CLSTN2: variants seen among roughly 807,000 people sequenced by gnomAD.
The protein encoded by CLSTN2 is calsyntenin-2.
A neutral mutation model predicts 101.2 loss-of-function variants in CLSTN2; 48 were observed. The ratio of observed to expected loss-of-function variants is 0.47; its 90% CI spans 0.38 to 0.60. The LOEUF is 0.60. Among genes scored for constraint, CLSTN2 ranks in the 20% least tolerant of loss-of-function variants. The pLI, the probability that CLSTN2 is intolerant of heterozygous loss-of-function variation, is 0.00. For missense variants in CLSTN2, 1,160 were observed against 1,238.2 expected, an observed-to-expected ratio of 0.94 and a Z score of 0.95; for synonymous variants, 481 against 463.6, an observed-to-expected ratio of 1.04 and a Z score of -0.48.
intron 8 of CLSTN2, among the ~76,000 whole-genome samples, chr3:140,510,589 T>C (rs945172718): frequency 2.0e-5 from 3 of 152,208 alleles, no homozygotes; most frequent in African/African-American, 7.2e-5. Flanking sequence ...GGTGGTCTCT[T>C]TGACACAGGC....
chr3:140,149,165 C>G (rs563151878), intron 1 of CLSTN2, among the ~76,000 whole-genome samples: 4 of 152,258 alleles, frequency 2.6e-5, no homozygotes, highest in African/African-American at 9.6e-5. Flanking sequence ...CATCCGTGCC[C>G]TCTTGTGTGT....
chr3:139,993,326 T>C (rs1376697760), intron 1 of CLSTN2, among the ~76,000 whole-genome samples: 2 of 152,198 alleles, frequency 1.3e-5, no homozygotes, highest in Admixed American at 6.5e-5. Flanking sequence ...ATTCATGTGG[T>C]TCTAGATCCA....
At chr3:140,178,758 C>A (rs941632011) in intron 2 of CLSTN2, among the ~76,000 whole-genome samples, 1 of 152,192 alleles carries the variant, frequency 6.6e-6, no homozygotes, top group Non-Finnish European at 1.5e-5. Context: ...AGATCCCTAT[C>A]GTTCTCATAA....
intron 10 of CLSTN2, 84 bp from the exon 11 acceptor site, chr3:140,556,429 G>A: frequency 7.5e-7 from 1 of 1,336,716 alleles, no homozygotes; most frequent in Non-Finnish European, 1.1e-6. Flanking sequence ...GACCCTTGGT[G>A]CCCTGTATGG....
At chr3:140,098,430 C>T (rs2008907548) in intron 1 of CLSTN2, among the ~76,000 whole-genome samples, 1 of 152,210 alleles carries the variant, frequency 6.6e-6, no homozygotes, top group African/African-American at 2.4e-5. Context: ...AATGAGAAAT[C>T]TCAAAGCTGA....
intron 2 of CLSTN2, among the ~76,000 whole-genome samples, chr3:140,322,568 G>T (rs1250827631): frequency 6.6e-6 from 1 of 152,220 alleles, no homozygotes; most frequent in Non-Finnish European, 1.5e-5. Flanking sequence ...TCAATGTACT[G>T]AGTCTTTTAG....
rs1934526313 is a variant in CLSTN2 at position 140,499,371 on chromosome 3, C to G, written c.1344+32640C>G. On this transcript the variant is annotated intron_variant, in intron 8 of 16. Transcript: ENST00000458420. The stretch of plus-strand genomic sequence containing the variant: ...TTCTGGAATTCAGCAGCAAAGCAGA[C>G]TTGAATTACTTACTGTCTTCAAGGA... Among the ~76,000 whole-genome samples the G allele has an allele frequency of 1.3e-5, 2 of 152,202 alleles. 1 individual carries two copies. Among genetic ancestry groups the G allele is most frequent in the South Asian group, 4.1e-4 (2 of 4,832 alleles).
At chr3:140,499,546 C>T (rs777118095) in intron 8 of CLSTN2, among the ~76,000 whole-genome samples, 2 of 152,138 alleles carry the variant, frequency 1.3e-5, no homozygotes, top group Admixed American at 6.5e-5. Context: ...CTGAGCTGCC[C>T]AATGGCCTGG....
intron 2 of CLSTN2, among the ~76,000 whole-genome samples, chr3:140,363,326 C>T (rs1359874136): frequency 2.6e-5 from 4 of 152,126 alleles, no homozygotes; most frequent in Admixed American, 6.6e-5. Context: ...CTGCCTGGAA[C>T]TAGGGGTGAG....
intron 2 of CLSTN2, among the ~76,000 whole-genome samples, chr3:140,260,700 GATT>G (rs1229108189): frequency 1.3e-5 from 2 of 152,032 alleles, no homozygotes; most frequent in Non-Finnish European, 2.9e-5. Context: ...AGTTTATTTA[GATT>G]TTATTAATGT....
At chr3:140,526,068 C>A (rs1310483521) in intron 8 of CLSTN2, among the ~76,000 whole-genome samples, 2 of 152,054 alleles carry the variant, frequency 1.3e-5, no homozygotes, top group African/African-American at 4.8e-5. Flanking sequence ...TAGTGGAAGT[C>A]CTAGTCAGAG....
intron 1 of CLSTN2, among the ~76,000 whole-genome samples, chr3:140,125,475 C>T (rs530543813): frequency 1.3e-5 from 2 of 152,074 alleles, no homozygotes; most frequent in East Asian, 1.9e-4. Context: ...GAGCAGATAC[C>T]AGTGAGTTGG....
chr3:140,425,656 A>G (rs1283039607), intron 5 of CLSTN2, among the ~76,000 whole-genome samples: 1 of 152,212 alleles, frequency 6.6e-6, no homozygotes, highest in African/African-American at 2.4e-5. Context: ...ACCAATGGGC[A>G]GGGTGGGGCT....
At chr3:139,979,485 G>T (rs76318622) in intron 1 of CLSTN2, among the ~76,000 whole-genome samples, 2 of 152,192 alleles carry the variant, frequency 1.3e-5, no homozygotes, top group East Asian at 3.9e-4. Flanking sequence ...ACCACAGCCC[G>T]CACATCCCTG....
In CLSTN2 at chr3:140,562,208, G is replaced by C; in HGVS notation, c.2112G>C (p.Gly704=). ...LDFCDILVIG[G]DLDPRQECLE... is the part of the protein sequence containing the mutation. ...TCTGTGACATTTTGGTGATCGGAGGGGACTTGGACCCAAGGCAGGAGTGCT... is the reference window on the plus strand; with the variant it reads ...TCTGTGACATTTTGGTGATCGGAGGCGACTTGGACCCAAGGCAGGAGTGCT... The change falls in exon 13 of 17, where the codon GGG becomes GGC. Residue 704 remains glycine (G), a synonymous_variant. Coordinates refer to ENST00000458420, the MANE Select transcript of CLSTN2 (RefSeq NM_022131.3). 6.2e-7 allele frequency: 1 copy of C among 1,613,990 alleles called. No individual in the cohort carries two copies. The highest frequency in any genetic ancestry group is 8.5e-7 in the Non-Finnish European group (1 of 1,179,912).
intron 2 of CLSTN2, among the ~76,000 whole-genome samples, chr3:140,351,786 T>G (rs928424336): frequency 1.6e-5 from 2 of 122,180 alleles, no homozygotes; most frequent in Non-Finnish European, 1.9e-5. Context: ...ATTCAGGTTT[T>G]GTTTTGTTTT....
At chr3:140,053,054 T>A (rs2008027944) in intron 1 of CLSTN2, among the ~76,000 whole-genome samples, 1 of 152,116 alleles carries the variant, frequency 6.6e-6, no homozygotes, top group African/African-American at 2.4e-5. Flanking sequence ...TGGATGGCGC[T>A]GGCAGTCAGG....
chr3:139,970,323 G>A (rs1373229378), intron 1 of CLSTN2, among the ~76,000 whole-genome samples: 3 of 152,134 alleles, frequency 2.0e-5, no homozygotes, highest in Non-Finnish European at 4.4e-5. Flanking sequence ...GCATCTGGGG[G>A]GGGATGCTCT....
chr3:140,277,608 T>C (rs2086806427), intron 2 of CLSTN2, among the ~76,000 whole-genome samples: 1 of 152,214 alleles, frequency 6.6e-6, no homozygotes, highest in Non-Finnish European at 1.5e-5. Context: ...TGCTGCATAA[T>C]TGAATTATAC....
Sources: gnomAD v4.1 joint callset for allele counts (sites outside exome capture counted in the v4.1 genomes callset) on GRCh38, gnomAD v4.1.1 for gene constraint, MANE v1.5 for transcripts, NCBI Gene and HGNC (gene_info 2026-07-23, HGNC 2026-07-21) for gene names.